HMGA2: variants seen among roughly 807,000 people sequenced by gnomAD.
HMGA2 encodes high mobility group AT-hook 2.
HMGA2 carries 8 observed loss-of-function variants against 19.1 expected under a neutral mutation model. That is an observed-to-expected ratio of 0.42 (90% CI 0.25 to 0.76). The LOEUF (loss-of-function observed/expected upper bound fraction) is 0.76, where lower values mean the gene tolerates loss of function less well. HMGA2 is among the 30% of genes least tolerant of loss of function. HMGA2 has a pLI of 0.28. For missense variants in HMGA2, 109 were observed against 136.3 expected, an observed-to-expected ratio of 0.80 and a Z score of 1.00; for synonymous variants, 60 against 48.8, an observed-to-expected ratio of 1.23 and a Z score of -0.96.
rs573555151 is a variant in HMGA2 at position 65,825,390 on chromosome 12, G to C, written c.111+9G>C. The C allele has an allele frequency of 2.6e-5, 40 of 1,513,516 alleles. No homozygotes were observed. The East Asian group carries it at 5.6e-4, about 21-fold the overall frequency. 93.8% of individuals were successfully genotyped at this position (1,513,516 alleles called of 1,614,324 possible). A position where few individuals can be genotyped will look rare whatever the true frequency, so the allele number is the denominator to read the frequency against. On this transcript the variant is annotated intron_variant, in intron 1 of 4. Coordinates refer to ENST00000403681, the MANE Select transcript of HMGA2 (RefSeq NM_003483.6). The surrounding 1 kb of genome is among the most constrained non-coding windows in gnomAD (Gnocchi z 4.4). Reference sequence around the variant, plus strand: ...CCAGGAAGCAGCAGCAAGTCAGTACGAGGGCGCGGTGGGGGCACCAGCCCA... The same window carrying C: ...CCAGGAAGCAGCAGCAAGTCAGTACCAGGGCGCGGTGGGGGCACCAGCCCA...
intron 3 of HMGA2, among the ~76,000 whole-genome samples, chr12:65,902,466 TTC>T (rs1349946130): frequency 1.3e-5 from 2 of 152,152 alleles, no homozygotes; most frequent in African/African-American, 4.8e-5. Context: ...GACTCAAAAA[TTC>T]TCTGTCTTTT....
intron 3 of HMGA2, among the ~76,000 whole-genome samples, chr12:65,872,989 G>A (rs1872784574): frequency 6.6e-6 from 1 of 152,056 alleles, no homozygotes; most frequent in East Asian, 1.9e-4. Context: ...GCTCTGGTTG[G>A]TATAGTCTTT....
chr12:65,965,031 G>A lies in HMGA2; in HGVS notation c.*1739G>A, dbSNP rs1001574112. 1 of 188,322 alleles carries A rather than the reference G, an allele frequency of 5.3e-6. No homozygotes were observed. The highest frequency in any genetic ancestry group is 1.1e-5 in the Non-Finnish European group (1 of 89,156). The allele number at this position is 188,322 out of a possible 1,614,324, so 11.7% of individuals were successfully genotyped here. ...ATTTGTTTTTTCAATGTTTGAAATA[G>A]TTCAAACTGCAGCTAACCCTAGTCA... is the stretch of plus-strand genomic sequence containing the variant. On this transcript the variant is annotated 3_prime_UTR_variant, in exon 5 of 5. Coordinates refer to ENST00000403681, the MANE Select transcript of HMGA2 (RefSeq NM_003483.6).
intron 3 of HMGA2, among the ~76,000 whole-genome samples, chr12:65,847,223 A>T (rs930629448): frequency 6.6e-6 from 1 of 152,178 alleles, no homozygotes; most frequent in Non-Finnish European, 1.5e-5. Flanking sequence ...GATTTATCAA[A>T]GTAGTCAAAT....
chr12:65,938,905 C>T (rs569896505), intron 3 of HMGA2, among the ~76,000 whole-genome samples: 1 of 152,178 alleles, frequency 6.6e-6, no homozygotes, highest in Admixed American at 6.5e-5. Flanking sequence ...TTCAAGCCAT[C>T]CTCTCACCTC....
intron 3 of HMGA2, among the ~76,000 whole-genome samples, chr12:65,860,960 C>T (rs1261316766): frequency 1.3e-5 from 2 of 152,196 alleles, no homozygotes; most frequent in African/African-American, 4.8e-5. Context: ...GAAGCTGCCA[C>T]ACATGGTGTT....
chr12:65,850,001 G>C (rs1029189498), intron 3 of HMGA2, among the ~76,000 whole-genome samples: 1 of 152,108 alleles, frequency 6.6e-6, no homozygotes, highest in African/African-American at 2.4e-5. Context: ...TTACAGGCGT[G>C]AGCCACTGTG....
intron 3 of HMGA2, 61 bp from the exon 4 acceptor site, chr12:65,951,322 C>A: frequency 9.7e-7 from 1 of 1,033,520 alleles, no homozygotes; most frequent in Non-Finnish European, 1.4e-6. Flanking sequence ...AATATGTACA[C>A]CTAATTTTTT....
At chr12:65,866,778 TAA>T (rs146991605) in intron 3 of HMGA2, 12 of 367,468 alleles carry the variant, frequency 3.3e-5, no homozygotes, top group African/African-American at 1.5e-4. Flanking sequence ...GTGCCAACTT[TAA>T]AAAAAAAAAT....
chr12:65,843,019 C>A (rs1871070211), intron 3 of HMGA2: 2 of 330,676 alleles, frequency 6.0e-6, no homozygotes, highest in South Asian at 2.7e-4. Flanking sequence ...TCAATGGGAA[C>A]AAGTGATACT....
intron 3 of HMGA2, chr12:65,914,804 A>G: frequency 2.4e-6 from 1 of 413,350 alleles, no homozygotes; most frequent in South Asian, 2.1e-5. Flanking sequence ...GCTCCTGAGT[A>G]GTTGGGATTA....
chr12:65,941,495 A>G (rs1305362794), intron 3 of HMGA2, among the ~76,000 whole-genome samples: 2 of 152,218 alleles, frequency 1.3e-5, no homozygotes, highest in African/African-American at 4.8e-5. Context: ...CAACTCCTAA[A>G]GTCAGCCCTA....
Position 65,892,831 on chromosome 12 carries a change from A to G in HMGA2, c.249+54262A>G, listed in dbSNP as rs17101855. Among the ~76,000 whole-genome samples the G allele has an allele frequency of 7.6e-3, 1,153 of 152,284 alleles. 14 individuals are homozygous for G. The highest frequency in any genetic ancestry group is 0.026 in the African/African-American group (1,095 of 41,564). On this transcript the variant is annotated intron_variant, in intron 3 of 4. Transcript: ENST00000403681. ...TCCTCAGTTTTATTTCAACCAAATG[A>G]TGCTGCCTCCTGGGGCTGGAAGGGG...
intron 3 of HMGA2, among the ~76,000 whole-genome samples, chr12:65,929,315 A>G (rs940282047): frequency 1.8e-4 from 27 of 152,248 alleles, no homozygotes; most frequent in Admixed American, 1.4e-3. Flanking sequence ...TTCTTAGTGC[A>G]TTATGACTAT....
At chr12:65,938,281 A>T (rs545167031) in intron 3 of HMGA2, among the ~76,000 whole-genome samples, 1 of 152,332 alleles carries the variant, frequency 6.6e-6, no homozygotes, top group South Asian at 2.1e-4. Context: ...AATGTGCATC[A>T]TCTCCAGGCT....
chr12:65,873,145 G>C (rs576857379), intron 3 of HMGA2, among the ~76,000 whole-genome samples: 1 of 152,046 alleles, frequency 6.6e-6, no homozygotes. Context: ...ACTTTTACCC[G>C]TCTACTATAA....
At position 65,875,589 on chromosome 12, in the gene HMGA2, ATTTTTTTTTTTTTTTTT is replaced by A. The variant is rs71096056; in HGVS notation, c.249+37045_249+37061del. Among the ~76,000 whole-genome samples the A allele has an allele frequency of 7.4e-3, 192 of 26,110 alleles. 1 individual carries two copies. The highest frequency in any genetic ancestry group is 0.013 in the Admixed American group (19 of 1,472). The allele number at this position is 26,110 out of a possible 152,430, so 17.1% of individuals were successfully genotyped here. On this transcript the variant is annotated intron_variant, in intron 3 of 4. Transcript: ENST00000403681. Reference sequence around the variant, plus strand: ...CGGGCATATGCCACCGTGCCCGGCTATTTTTTTTTTTTTTTTTTTTTTTTTTTTTTTTTTTTTTTTTA... The same window carrying A: ...CGGGCATATGCCACCGTGCCCGGCTATTTTTTTTTTTTTTTTTTTTTTTTA...
intron 4 of HMGA2, 179 bp downstream of exon 4, chr12:65,951,594 C>T (rs533067526): frequency 3.0e-5 from 16 of 531,546 alleles, no homozygotes; most frequent in Non-Finnish European, 4.7e-5. Context: ...GCAATCGTAC[C>T]ATGAAAACCT....
intron 3 of HMGA2, among the ~76,000 whole-genome samples, chr12:65,939,914 G>A (rs189732798): frequency 2.6e-5 from 4 of 152,226 alleles, no homozygotes; most frequent in East Asian, 3.9e-4. Flanking sequence ...GGAAAGACTC[G>A]TATGGCATCT....
Sources: allele counts gnomAD v4.1 joint callset (sites outside exome capture counted in the v4.1 genomes callset), GRCh38; gene constraint gnomAD v4.1.1; non-coding constraint Gnocchi (gnomAD v3.1); transcripts MANE v1.5; gene names NCBI Gene and HGNC (gene_info 2026-07-23, HGNC 2026-07-21).